The following TRPC5 variants were observed in gnomAD, a reference collection of about 807,000 sequenced individuals.
TRPC5 encodes the protein transient receptor potential cation channel subfamily C member 5, also known as short transient receptor potential channel 5.
TRPC5 carries 9 observed loss-of-function variants against 56.5 expected under a neutral mutation model. The observed-to-expected ratio is 0.16, with a 90% confidence interval of 0.10 to 0.28. TRPC5 has a LOEUF of 0.28. TRPC5 is among the 10% of genes least tolerant of loss of function. TRPC5 has a pLI of 1.00. For missense variants in TRPC5, 469 were observed against 748.9 expected (o/e 0.63, Z 4.36); for synonymous variants, 282 against 278.5 (o/e 1.01, Z -0.13).
intron 7 of TRPC5, among the ~76,000 whole-genome samples, chrX:111,820,355 A>C (rs1370240942): frequency 8.9e-6 from 1 of 112,125 alleles, no homozygotes; most frequent in Non-Finnish European, 1.9e-5. Context: ...GTTTGAAAAT[A>C]GACACATTTT....
At chrX:111,950,644 T>C (rs1927063819) in intron 2 of TRPC5, among the ~76,000 whole-genome samples, 1 of 112,046 alleles carries the variant, frequency 8.9e-6, no homozygotes, top group African/African-American at 3.2e-5. Flanking sequence ...CTACCTGCTC[T>C]GCAATAATCT....
At chrX:111,925,704 C>T (rs1049888437) in intron 2 of TRPC5, among the ~76,000 whole-genome samples, 49 of 111,819 alleles carry the variant, frequency 4.4e-4, no homozygotes, top group Non-Finnish European at 8.3e-4. Context: ...ATATCTACTC[C>T]TAATATGGAG....
chrX:111,936,614 G>A (rs1218956087), intron 2 of TRPC5, among the ~76,000 whole-genome samples: 5 of 101,620 alleles, frequency 4.9e-5, no homozygotes, highest in Admixed American at 1.1e-4. Context: ...TTGTTCTTGC[G>A]ATAGTTTACT....
At chrX:112,057,897 G>C (rs1930376237) in intron 1 of TRPC5, among the ~76,000 whole-genome samples, 1 of 111,749 alleles carries the variant, frequency 8.9e-6, no homozygotes. Flanking sequence ...TAATATTTTA[G>C]CAAGCACCCA....
Position 111,952,536 on chromosome X carries a change from A to G in TRPC5, c.-21-95T>C, listed in dbSNP as rs773271890. The G allele has an allele frequency of 1.5e-5, 13 of 839,237 alleles. No homozygotes were observed. In the South Asian group the frequency reaches 4.1e-4, roughly 27 times the overall value. 69.2% of individuals were successfully genotyped at this position (839,237 alleles called of 1,213,427 possible). On this transcript the variant is annotated intron_variant, in intron 1 of 10. Coordinates refer to ENST00000262839, the MANE Select transcript of TRPC5 (RefSeq NM_012471.3). ...AGGCAGCCCTGCTAAGGGGTTAGAA[A>G]ATCCTAAACTACTTCAATGACGCCG...
At chrX:112,033,620 C>A (rs1023958250) in intron 1 of TRPC5, among the ~76,000 whole-genome samples, 4 of 110,974 alleles carry the variant, frequency 3.6e-5, no homozygotes, top group Admixed American at 1.9e-4. Flanking sequence ...AATTCAACTT[C>A]ATGAAGATTT....
At chrX:112,068,646 A>T (rs1488519879) in intron 1 of TRPC5, among the ~76,000 whole-genome samples, 1 of 111,553 alleles carries the variant, frequency 9.0e-6, no homozygotes, top group Admixed American at 9.5e-5. Context: ...CATCATCAGC[A>T]CAGCCTGCAT....
At chrX:112,077,469 A>G (rs1214680970) in intron 1 of TRPC5, among the ~76,000 whole-genome samples, 1 of 112,160 alleles carries the variant, frequency 8.9e-6, no homozygotes, top group Non-Finnish European at 1.9e-5. Context: ...TTTTAGTATA[A>G]AAATGAATCA....
intron 3 of TRPC5, chrX:111,901,853 G>T (rs1292087259): frequency 8.9e-7 from 1 of 1,129,281 alleles, no homozygotes; most frequent in East Asian, 3.3e-5. Context: ...CTGCAGCATG[G>T]ATTCTGTGTT....
At chrX:111,886,118 A>G (rs913498856) in intron 3 of TRPC5, among the ~76,000 whole-genome samples, 1 of 111,123 alleles carries the variant, frequency 9.0e-6, no homozygotes, top group African/African-American at 3.3e-5. Context: ...TGTCTCTACT[A>G]AAAATATAAA....
chrX:111,951,996 G>A (rs768852870), intron 2 of TRPC5, 47 bp downstream of exon 2: 1 of 1,164,564 alleles, frequency 8.6e-7, no homozygotes, highest in East Asian at 3.0e-5. Context: ...CTGACCTGGT[G>A]CCCTGTTGTG....
At chrX:111,823,663 G>A (rs1263338661) in intron 7 of TRPC5, among the ~76,000 whole-genome samples, 12 of 110,923 alleles carry the variant, frequency 1.1e-4, no homozygotes, top group Non-Finnish European at 7.5e-5. Flanking sequence ...GCTAGTTGGC[G>A]TGTGTTGGGG....
intron 5 of TRPC5, among the ~76,000 whole-genome samples, 173 bp from the exon 6 acceptor site, chrX:111,847,609 CAT>C (rs1273268110): frequency 8.9e-6 from 1 of 111,868 alleles, no homozygotes; most frequent in Non-Finnish European, 1.9e-5. Context: ...ACCCAATTAA[CAT>C]GTGCTGCTAA....
At chrX:112,042,618 T>A (rs1054939844) in intron 1 of TRPC5, among the ~76,000 whole-genome samples, 3 of 111,476 alleles carry the variant, frequency 2.7e-5, no homozygotes, top group Non-Finnish European at 5.7e-5. Context: ...TCTTCTCATC[T>A]CATGGATTAG....
At position 111,932,755 on chromosome X, in the gene TRPC5, C is replaced by T. The variant is rs1037150059; in HGVS notation, c.378+19288G>A. ...GAAAAAAAGAGGGTGGGCAGATGAG[C>T]ACAGCAACCCAGCTATTTGTGATCA... is the stretch of plus-strand genomic sequence containing the variant. On this transcript the variant is annotated intron_variant, in intron 2 of 10. Transcript: ENST00000262839. Among the ~76,000 whole-genome samples, 3 of 111,888 alleles carry T rather than the reference C, an allele frequency of 2.7e-5. No individual in the cohort carries two copies. In the East Asian group the frequency reaches 8.5e-4, roughly 32 times the overall value.
intron 1 of TRPC5, among the ~76,000 whole-genome samples, chrX:112,019,300 G>A (rs1002386141): frequency 1.8e-5 from 2 of 112,449 alleles, no homozygotes; most frequent in African/African-American, 6.5e-5. Flanking sequence ...TCTACAGAAG[G>A]AGGCAATTCT....
chrX:111,961,984 A>G (rs1033534455), intron 1 of TRPC5, among the ~76,000 whole-genome samples: 1 of 112,071 alleles, frequency 8.9e-6, no homozygotes, highest in Non-Finnish European at 1.9e-5. Context: ...CTAACTCAGA[A>G]ACAGAAAACC....
chrX:112,015,962 T>C (rs147841896), intron 1 of TRPC5, among the ~76,000 whole-genome samples: 122 of 111,759 alleles, frequency 1.1e-3, no homozygotes, highest in Non-Finnish European at 2.0e-3. Context: ...AGAGAGTTGT[T>C]GTTAAAGCAC....
intron 7 of TRPC5, among the ~76,000 whole-genome samples, chrX:111,785,280 T>C (rs1230995324): frequency 2.7e-5 from 3 of 111,368 alleles, no homozygotes; most frequent in Non-Finnish European, 5.7e-5. Context: ...GGGTCTGGAG[T>C]GGAACTACAG....
Sources: allele counts gnomAD v4.1 joint callset (sites outside exome capture counted in the v4.1 genomes callset), GRCh38; gene constraint gnomAD v4.1.1; transcripts MANE v1.5; gene names NCBI Gene and HGNC (gene_info 2026-07-23, HGNC 2026-07-21).